The following COL5A2 variants were observed in gnomAD, a reference collection of about 807,000 sequenced individuals.
COL5A2 encodes collagen alpha-2(V) chain.
Under a neutral mutation model 208.2 loss-of-function variants are expected in COL5A2, and 23 were observed. The observed-to-expected ratio is 0.11, with a 90% confidence interval of 0.08 to 0.16. The LOEUF (loss-of-function observed/expected upper bound fraction) is 0.16. Among genes scored for constraint, COL5A2 ranks in the 10% least tolerant of loss-of-function variants. COL5A2 has a pLI of 1.00. For missense variants in COL5A2, 1,590 were observed against 1,956.4 expected (o/e 0.81, Z 3.53); for synonymous variants, 625 against 628.5 (o/e 0.99, Z 0.08).
chr2:189,076,912 C>G (rs1471139550), intron 16 of COL5A2, among the ~76,000 whole-genome samples: 1 of 151,918 alleles, frequency 6.6e-6, no homozygotes, highest in Non-Finnish European at 1.5e-5. Flanking sequence ...GAGACCCTGT[C>G]TCTACAAAAA....
chr2:189,043,125 G>A, intron 48 of COL5A2, 26 bp downstream of exon 48: 7 of 1,540,838 alleles, frequency 4.5e-6, no homozygotes, highest in Non-Finnish European at 6.3e-6. Context: ...CTACAGGGCA[G>A]AATAATACTT....
At chr2:189,155,823 C>A (rs1433288170) in intron 1 of COL5A2, among the ~76,000 whole-genome samples, 1 of 152,154 alleles carries the variant, frequency 6.6e-6, no homozygotes, top group African/African-American at 2.4e-5. Flanking sequence ...TTTCACTGGG[C>A]TAACATCAAG....
At chr2:189,390,032 G>A in the COL5A2 span, among the ~76,000 whole-genome samples, 85,888 of 151,856 alleles carry the variant, frequency 0.57, 26,077 homozygotes, top group East Asian at 0.69. Flanking sequence ...TCATTCTAAT[G>A]AACAAAATGA....
chr2:189,414,460 A>C, the COL5A2 span, among the ~76,000 whole-genome samples: 1 of 152,102 alleles, frequency 6.6e-6, no homozygotes, highest in African/African-American at 2.4e-5. Context: ...GACCCTAAGA[A>C]TGTTTCCCTT....
At chr2:189,268,265 G>C in the COL5A2 span, among the ~76,000 whole-genome samples, 2 of 152,090 alleles carry the variant, frequency 1.3e-5, no homozygotes, top group African/African-American at 4.8e-5. Context: ...GAAACAAATG[G>C]TATCACTTCA....
chr2:189,106,497 T>C (rs1687151074), intron 2 of COL5A2, among the ~76,000 whole-genome samples: 2 of 151,340 alleles, frequency 1.3e-5, no homozygotes, highest in Non-Finnish European at 3.0e-5. Flanking sequence ...AGTTTTATTT[T>C]TACTCAATTT....
chr2:189,183,532 G>C (rs1259199705), upstream of COL5A2, among the ~76,000 whole-genome samples: 1 of 152,068 alleles, frequency 6.6e-6, no homozygotes, highest in Non-Finnish European at 1.5e-5. Context: ...TCTCCCACTG[G>C]AGAAGCATAA....
At chr2:189,415,033 A>C in the COL5A2 span, among the ~76,000 whole-genome samples, 3 of 152,126 alleles carry the variant, frequency 2.0e-5, no homozygotes, top group African/African-American at 7.2e-5. Context: ...TAGTGGAAAG[A>C]ACTCTGGACT....
intron 1 of COL5A2, among the ~76,000 whole-genome samples, chr2:189,191,123 G>A (rs2105845291): frequency 7.9e-6 from 1 of 126,606 alleles, no homozygotes; most frequent in African/African-American, 2.8e-5. Context: ...TTGCCTGAAG[G>A]GAGATTAGGG....
At chr2:189,067,497 C>T (rs193300656) in intron 21 of COL5A2, among the ~76,000 whole-genome samples, 1 of 152,224 alleles carries the variant, frequency 6.6e-6, no homozygotes, top group African/African-American at 2.4e-5. Flanking sequence ...AGCACAACTT[C>T]TCAATGTGTT....
chr2:189,063,890 A>C lies in COL5A2; in HGVS notation c.1770+90T>G. On this transcript the variant is annotated intron_variant, in intron 26 of 53. Transcript: ENST00000374866. Reference sequence around the variant, plus strand: ...TGTCAATATGACCAGCATCCATATAATCAAAAACATTAACCTAAATAAATA... The same window carrying C: ...TGTCAATATGACCAGCATCCATATACTCAAAAACATTAACCTAAATAAATA... The C allele has an allele frequency of 3.9e-6, 4 of 1,024,284 alleles. No homozygotes were observed. In the South Asian group the frequency reaches 5.5e-5, roughly 14 times the overall value. The allele number at this position is 1,024,284 out of a possible 1,614,324, so 63.4% of individuals were successfully genotyped here.
intron 47 of COL5A2, among the ~76,000 whole-genome samples, chr2:189,044,614 T>C (rs1376768783): frequency 1.3e-5 from 2 of 152,182 alleles, no homozygotes; most frequent in African/African-American, 2.4e-5. Flanking sequence ...GGCCATGATT[T>C]TCAAAGTATA....
intron 1 of COL5A2, among the ~76,000 whole-genome samples, chr2:189,200,944 C>A (rs1470615501): frequency 6.6e-6 from 1 of 151,944 alleles, no homozygotes; most frequent in East Asian, 1.9e-4. Context: ...TCCTTACTGG[C>A]AGTCCTGTAC....
At chr2:189,175,451 G>GA (rs1232309288) in intron 1 of COL5A2, among the ~76,000 whole-genome samples, 1 of 150,782 alleles carries the variant, frequency 6.6e-6, no homozygotes, top group African/African-American at 2.4e-5. Flanking sequence ...AGGAGAGGTA[G>GA]AAAAAACCTC....
At chr2:189,251,036 C>T in the COL5A2 span, among the ~76,000 whole-genome samples, 1 of 152,136 alleles carries the variant, frequency 6.6e-6, no homozygotes, top group Admixed American at 6.5e-5. Flanking sequence ...CAATCACATG[C>T]AAAATGGGAA....
chr2:189,160,942 T>G (rs572247063), intron 1 of COL5A2, among the ~76,000 whole-genome samples: 3 of 150,134 alleles, frequency 2.0e-5, no homozygotes, highest in Admixed American at 6.7e-5. Context: ...GTGATTCTCC[T>G]GCCTCAGCCA....
the COL5A2 span, among the ~76,000 whole-genome samples, chr2:189,276,648 A>G: frequency 6.6e-6 from 1 of 152,204 alleles, no homozygotes. Context: ...TTAAGGCTCT[A>G]GCATTTTAGA....
At chr2:189,172,981 T>G (rs1289470781) in intron 1 of COL5A2, among the ~76,000 whole-genome samples, 1 of 147,142 alleles carries the variant, frequency 6.8e-6, no homozygotes, top group African/African-American at 2.5e-5. Flanking sequence ...TTTTTTTTTT[T>G]TTTTTTTGAG....
chr2:189,188,269 C>T (rs1309963093), intron 1 of COL5A2, among the ~76,000 whole-genome samples: 9 of 152,104 alleles, frequency 5.9e-5, no homozygotes, highest in African/African-American at 1.9e-4. Flanking sequence ...ATTCCCATCC[C>T]TGGCACCATT....
Sources: allele counts gnomAD v4.1 joint callset (sites outside exome capture counted in the v4.1 genomes callset), GRCh38; gene constraint gnomAD v4.1.1; transcripts MANE v1.5; gene names NCBI Gene and HGNC (gene_info 2026-07-23, HGNC 2026-07-21).